Variants in WDR19 observed in about 807,000 individuals in gnomAD.
The protein encoded by WDR19 is WD repeat-containing protein 19.
WDR19 carries 121 observed loss-of-function variants against 180.0 expected under a neutral mutation model. That is an observed-to-expected ratio of 0.67 (90% CI 0.58 to 0.78). WDR19 has a LOEUF of 0.78. WDR19 is among the 30% of genes least tolerant of loss of function. The probability of loss-of-function intolerance (pLI) is 0.00; values close to 1 mark genes in which losing one functional copy is unlikely to be tolerated. For missense variants in WDR19, 1,450 were observed against 1,640.7 expected, an observed-to-expected ratio of 0.88 and a Z score of 2.01; for synonymous variants, 497 against 540.7, an observed-to-expected ratio of 0.92 and a Z score of 1.12.
intron 13 of WDR19, among the ~76,000 whole-genome samples, chr4:39,217,623 G>A (rs1271088396): frequency 1.3e-5 from 2 of 152,134 alleles, no homozygotes; most frequent in Non-Finnish European, 2.9e-5. Context: ...TGTGTGGGGG[G>A]GTCTTTGAAA....
intron 6 of WDR19, among the ~76,000 whole-genome samples, chr4:39,201,938 G>GT (rs1489516701): frequency 6.6e-6 from 1 of 152,084 alleles, no homozygotes; most frequent in African/African-American, 2.4e-5. Context: ...TTTGTTTTGT[G>GT]TTTTTTCTTA....
intron 6 of WDR19, 34 bp downstream of exon 6, chr4:39,199,627 T>G (rs1727164092): frequency 6.6e-7 from 1 of 1,521,802 alleles, no homozygotes; most frequent in African/African-American, 1.4e-5. Context: ...TCTGATATAT[T>G]CAAGCTTTCC....
At chr4:39,237,966 A>G (rs1318293062) in intron 20 of WDR19, 4 of 152,246 alleles carry the variant, frequency 2.6e-5, no homozygotes, top group Non-Finnish European at 5.9e-5. Flanking sequence ...TTGTCTCATT[A>G]TGGTCAGATG....
intron 20 of WDR19, among the ~76,000 whole-genome samples, chr4:39,235,268 A>G (rs1235852315): frequency 6.6e-6 from 1 of 152,064 alleles, no homozygotes; most frequent in Non-Finnish European, 1.5e-5. Context: ...CTGGGACTAT[A>G]GGCATGCACC....
At chr4:39,207,830 C>G (rs778582120) in intron 9 of WDR19, among the ~76,000 whole-genome samples, 1 of 151,692 alleles carries the variant, frequency 6.6e-6, no homozygotes, top group African/African-American at 2.4e-5. Flanking sequence ...GGTAAATATC[C>G]GGGTAAATAT....
chr4:39,263,799 C>A (rs534284440), intron 28 of WDR19, among the ~76,000 whole-genome samples: 1 of 152,088 alleles, frequency 6.6e-6, no homozygotes, highest in Non-Finnish European at 1.5e-5. Context: ...TGGCATATGC[C>A]TGTAATCCCA....
At chr4:39,250,332 AT>A (rs2109427287) in intron 24 of WDR19, among the ~76,000 whole-genome samples, 1 of 152,338 alleles carries the variant, frequency 6.6e-6, no homozygotes, top group East Asian at 1.9e-4. Flanking sequence ...GCTCTCAATA[AT>A]TTAGGTATTG....
At chr4:39,253,068 G>T in intron 24 of WDR19, 78 bp from the exon 25 acceptor site, 1 of 1,387,682 alleles carries the variant, frequency 7.2e-7, no homozygotes. Context: ...AAATTTAAAA[G>T]TGTCCTAAAC....
intron 15 of WDR19, among the ~76,000 whole-genome samples, chr4:39,227,079 T>C (rs1160883480): frequency 6.6e-6 from 1 of 152,194 alleles, no homozygotes; most frequent in Non-Finnish European, 1.5e-5. Flanking sequence ...TTTTACAATC[T>C]TTTTTTCATG....
intron 24 of WDR19, among the ~76,000 whole-genome samples, chr4:39,251,910 G>T (rs1479383462): frequency 2.6e-5 from 4 of 152,126 alleles, no homozygotes; most frequent in Admixed American, 1.3e-4. Flanking sequence ...ACTGTTGGTG[G>T]GACTGTAAAC....
At chr4:39,186,805 A>G (rs959161149) in intron 3 of WDR19, among the ~76,000 whole-genome samples, 2 of 152,248 alleles carry the variant, frequency 1.3e-5, no homozygotes, top group Non-Finnish European at 2.9e-5. Context: ...ACACCCATAT[A>G]CTCACAGAGA....
At chr4:39,238,067 A>T (rs987141288) in intron 20 of WDR19, 2 of 152,226 alleles carry the variant, frequency 1.3e-5, no homozygotes, top group African/African-American at 4.8e-5. Context: ...CAAAGCTTTC[A>T]CTGATATTTG....
intron 28 of WDR19, among the ~76,000 whole-genome samples, chr4:39,260,093 G>A (rs532828124): frequency 1.6e-4 from 24 of 148,906 alleles, no homozygotes; most frequent in South Asian, 4.3e-4. Flanking sequence ...CCTAAACACC[G>A]CCCCCACACG....
At chr4:39,269,678 C>G (rs1413382962) in intron 30 of WDR19, among the ~76,000 whole-genome samples, 2 of 152,134 alleles carry the variant, frequency 1.3e-5, no homozygotes, top group Non-Finnish European at 2.9e-5. Flanking sequence ...AAAACCTTGT[C>G]TCTACAAAAA....
chr4:39,191,912 A>C (rs1357414531), intron 4 of WDR19, among the ~76,000 whole-genome samples: 2 of 152,178 alleles, frequency 1.3e-5, no homozygotes, highest in Non-Finnish European at 2.9e-5. Flanking sequence ...GATACATGTA[A>C]TTGTTATATG....
rs1271377349 is a variant in WDR19, at chr4:39,194,679, A to G, written c.406+20A>G. Reference sequence around the variant, plus strand: ...TCCTTGGTAGGTGATAGCTGGAAACACTGCTAAATATTTGAGATGCTCTAC... The same window carrying G: ...TCCTTGGTAGGTGATAGCTGGAAACGCTGCTAAATATTTGAGATGCTCTAC... On this transcript the variant is annotated intron_variant, in intron 5 of 36. Transcript: ENST00000399820. 1.3e-6 allele frequency: 2 copies of G among 1,520,404 alleles called. No homozygotes were observed. The highest frequency in any genetic ancestry group is 4.5e-5 in the East Asian group (2 of 44,114). 94.2% of individuals were successfully genotyped at this position (1,520,404 alleles called of 1,614,324 possible). A position where few individuals can be genotyped will look rare whatever the true frequency, so the allele number is the denominator to read the frequency against.
chr4:39,226,422 G>A lies in WDR19; in HGVS notation c.1629+1389G>A, dbSNP rs113996478. ...TTAAATGAAAAGTAAATAGGATGAT[G>A]CATGTAAGCTTTTAGTATAGTGTTA... On this transcript the variant is annotated intron_variant, in intron 15 of 36. Transcript: ENST00000399820. Among the ~76,000 whole-genome samples the A allele has an allele frequency of 4.5e-3, 693 of 152,344 alleles. 4 individuals are homozygous for A. Among genetic ancestry groups the A allele is most frequent in the African/African-American group, 0.016 (649 of 41,590 alleles).
chr4:39,266,370 G>A (rs1734795830), intron 29 of WDR19, among the ~76,000 whole-genome samples: 1 of 152,040 alleles, frequency 6.6e-6, no homozygotes, highest in African/African-American at 2.4e-5. Context: ...AACAATAGCT[G>A]ATGAGTTTAA....
At chr4:39,282,645 A>G (rs7680452) in intron 36 of WDR19, among the ~76,000 whole-genome samples, 76,950 of 151,924 alleles carry the variant, frequency 0.51, 20,863 homozygotes, top group African/African-American at 0.71. Flanking sequence ...TAATCCACCC[A>G]CCTCGGCCTC....
Sources: gnomAD v4.1 joint callset for allele counts (sites outside exome capture counted in the v4.1 genomes callset) on GRCh38, gnomAD v4.1.1 for gene constraint, MANE v1.5 for transcripts, NCBI Gene and HGNC (gene_info 2026-07-23, HGNC 2026-07-21) for gene names.